Variants in CADM2 observed in about 807,000 individuals in gnomAD.
CADM2 encodes immunoglobulin superfamily member 4D.
In CADM2, 12 loss-of-function variants were observed where a neutral mutation model predicts 49.8. The ratio of observed to expected loss-of-function variants is 0.24; its 90% confidence interval spans 0.15 to 0.39. The LOEUF is 0.39. CADM2 is among the 10% of genes least tolerant of loss of function. CADM2 has a pLI of 1.00. For synonymous variants in CADM2, 214 were observed against 175.4 expected, an observed-to-expected ratio of 1.22 and a Z score of -1.74; for missense variants, 378 against 492.3, an observed-to-expected ratio of 0.77 and a Z score of 2.20.
intron 1 of CADM2, among the ~76,000 whole-genome samples, chr3:85,428,524 A>G (rs1192881420): frequency 6.8e-6 from 1 of 146,204 alleles, no homozygotes; most frequent in Non-Finnish European, 1.5e-5. Flanking sequence ...AGTAAGGCAT[A>G]TATATACACA....
chr3:85,727,158 A>G (rs954778349), intron 2 of CADM2, among the ~76,000 whole-genome samples: 3 of 152,134 alleles, frequency 2.0e-5, no homozygotes, highest in African/African-American at 7.2e-5. Flanking sequence ...AAATACATGT[A>G]TGATACTGTA....
At chr3:85,844,138 T>G (rs2074769237) in intron 3 of CADM2, among the ~76,000 whole-genome samples, 1 of 152,082 alleles carries the variant, frequency 6.6e-6, no homozygotes, top group Admixed American at 6.6e-5. Flanking sequence ...TACAGAGTTC[T>G]TGAGAAGAAT....
intron 3 of CADM2, among the ~76,000 whole-genome samples, chr3:85,854,865 T>C (rs1419480529): frequency 6.6e-6 from 1 of 152,186 alleles, no homozygotes; most frequent in Non-Finnish European, 1.5e-5. Context: ...CCTCCTTGTT[T>C]ATTTTCCATT....
chr3:85,908,183 C>T (rs938471552), intron 5 of CADM2, among the ~76,000 whole-genome samples: 3 of 148,616 alleles, frequency 2.0e-5, no homozygotes, highest in Non-Finnish European at 4.4e-5. Context: ...AAAGTATCTC[C>T]GGAAATATGA....
intron 1 of CADM2, among the ~76,000 whole-genome samples, chr3:85,469,683 T>A (rs2038681352): frequency 1.3e-5 from 2 of 152,060 alleles, no homozygotes; most frequent in Admixed American, 6.5e-5. Context: ...AGAGAGAAGT[T>A]ATAGGGTATC....
intron 2 of CADM2, among the ~76,000 whole-genome samples, chr3:85,729,827 G>C (rs1421854358): frequency 6.6e-6 from 1 of 151,904 alleles, no homozygotes; most frequent in Non-Finnish European, 1.5e-5. Flanking sequence ...TCTTTCTAAG[G>C]GTTTTTTCAT....
intron 8 of CADM2, among the ~76,000 whole-genome samples, chr3:85,987,765 C>G (rs1011193421): frequency 6.7e-6 from 1 of 148,680 alleles, no homozygotes; most frequent in African/African-American, 2.5e-5. Context: ...TATGAAATAT[C>G]GAGGCTAAAG....
intron 1 of CADM2, among the ~76,000 whole-genome samples, chr3:85,248,317 C>T (rs150019578): frequency 6.4e-4 from 97 of 152,146 alleles, no homozygotes; most frequent in African/African-American, 2.3e-3. Flanking sequence ...CTCGGTCGCC[C>T]AAGCTGGAGT....
At chr3:85,581,486 A>G (rs1464356922) in intron 1 of CADM2, among the ~76,000 whole-genome samples, 1 of 151,912 alleles carries the variant, frequency 6.6e-6, no homozygotes, top group Non-Finnish European at 1.5e-5. Flanking sequence ...GAAGCAAGAG[A>G]ATAAAATGAT....
chr3:85,926,962 G>T (rs1317031905), intron 6 of CADM2, among the ~76,000 whole-genome samples: 6 of 152,088 alleles, frequency 3.9e-5, no homozygotes, highest in Non-Finnish European at 8.8e-5. Context: ...ATTGAAATGT[G>T]ATTAAGATTG....
At chr3:85,160,018 A>G (rs999729533) in intron 1 of CADM2, among the ~76,000 whole-genome samples, 1 of 152,222 alleles carries the variant, frequency 6.6e-6, no homozygotes, top group Non-Finnish European at 1.5e-5. Context: ...GAACACACAC[A>G]TATCTGGATA....
chr3:85,143,923 T>A (rs2039652079), intron 1 of CADM2, among the ~76,000 whole-genome samples: 1 of 152,160 alleles, frequency 6.6e-6, no homozygotes, highest in Non-Finnish European at 1.5e-5. Flanking sequence ...CTTGAGGATA[T>A]ACACAGTCTG....
intron 1 of CADM2, among the ~76,000 whole-genome samples, chr3:85,546,195 C>G (rs994874082): frequency 1.9e-4 from 29 of 152,168 alleles, no homozygotes; most frequent in African/African-American, 6.8e-4. Flanking sequence ...CTTCAAAATT[C>G]TAGCACCATG....
intron 1 of CADM2, among the ~76,000 whole-genome samples, chr3:84,993,853 A>C (rs1431300387): frequency 6.6e-6 from 1 of 152,206 alleles, no homozygotes; most frequent in Non-Finnish European, 1.5e-5. Flanking sequence ...TGTAATAGGA[A>C]TTGAAACACA....
chr3:85,066,826 C>A (rs1162117742), intron 1 of CADM2, among the ~76,000 whole-genome samples: 1 of 152,168 alleles, frequency 6.6e-6, no homozygotes, highest in Non-Finnish European at 1.5e-5. Flanking sequence ...ACTCTGTAAA[C>A]TTCCTTAACC....
chr3:85,405,909 C>T (rs2035352031), intron 1 of CADM2, among the ~76,000 whole-genome samples: 1 of 150,480 alleles, frequency 6.6e-6, no homozygotes, highest in Non-Finnish European at 1.5e-5. Context: ...GCGTGAGACC[C>T]TGTCACAAAA....
Position 86,066,271 on chromosome 3 carries a change from T to TGCGGTGA in CADM2, c.1097-391_1097-385dup, listed in dbSNP as rs1426697378. ...TTGCTTGAACCCGGGAGGCGGAGCTTGCGGTGAGCTGAGATCGTGCCACTG... is the reference window on the plus strand; with the variant it reads ...TTGCTTGAACCCGGGAGGCGGAGCTTGCGGTGAGCGGTGAGCTGAGATCGTGCCACTG... On this transcript the variant is annotated intron_variant, in intron 9 of 9. Transcript: ENST00000383699. 4.5e-5 allele frequency among the ~76,000 whole-genome samples: 6 copies of TGCGGTGA among 133,370 alleles called. No individual in the cohort carries two copies. The East Asian group carries it at 1.3e-3, about 29-fold the overall frequency. The allele number at this position is 133,370 out of a possible 152,430, so 87.5% of individuals were successfully genotyped here. A position where few individuals can be genotyped will look rare whatever the true frequency, so the allele number is the denominator to read the frequency against.
chr3:85,308,839 A>G (rs2107034974), intron 1 of CADM2, among the ~76,000 whole-genome samples: 2 of 152,208 alleles, frequency 1.3e-5, no homozygotes, highest in East Asian at 3.9e-4. Context: ...ACCAAGTAAG[A>G]TAGGCAACTA....
chr3:85,152,129 A>G (rs72907158), intron 1 of CADM2, among the ~76,000 whole-genome samples: 10,764 of 152,054 alleles, frequency 0.071, 1,270 homozygotes, highest in African/African-American at 0.24. Context: ...CCCAGGGACC[A>G]TTTTCTGTAT....
Sources: gnomAD v4.1 joint callset for allele counts (sites outside exome capture counted in the v4.1 genomes callset) on GRCh38, gnomAD v4.1.1 for gene constraint, MANE v1.5 for transcripts, NCBI Gene and HGNC (gene_info 2026-07-23, HGNC 2026-07-21) for gene names.